The following CA10 variants were observed in gnomAD, a reference collection of about 807,000 sequenced individuals.
CA10 encodes carbonic anhydrase-related protein 10.
CA10 carries 14 observed loss-of-function variants against 44.2 expected under a neutral mutation model. That is an observed-to-expected ratio of 0.32 (90% CI 0.21 to 0.50). The LOEUF is 0.50. Among genes scored for constraint, CA10 ranks in the 20% least tolerant of loss-of-function variants. CA10 has a pLI of 0.99. For synonymous variants in CA10, 159 were observed against 141.6 expected, an observed-to-expected ratio of 1.12 and a Z score of -0.87; for missense variants, 350 against 409.7, an observed-to-expected ratio of 0.85 and a Z score of 1.26.
At chr17:51,743,373 T>C (rs753418363) in intron 4 of CA10, among the ~76,000 whole-genome samples, 44 of 152,372 alleles carry the variant, frequency 2.9e-4, no homozygotes, top group Non-Finnish European at 4.7e-4. Flanking sequence ...CATTTAGACA[T>C]GATTAGCAAG....
intron 2 of CA10, among the ~76,000 whole-genome samples, chr17:51,970,791 A>G (rs1233308353): frequency 1.3e-5 from 2 of 152,170 alleles, no homozygotes; most frequent in Non-Finnish European, 1.5e-5. Context: ...CTTTCTTACT[A>G]TTTCCTTTTA....
At chr17:51,918,187 A>G (rs1567884720) in intron 3 of CA10, among the ~76,000 whole-genome samples, 1 of 152,218 alleles carries the variant, frequency 6.6e-6, no homozygotes, top group Admixed American at 6.5e-5. Flanking sequence ...ATAGCAACAT[A>G]CTAAGTATAA....
intron 4 of CA10, among the ~76,000 whole-genome samples, chr17:51,671,411 GT>G (rs1448030212): frequency 3.3e-5 from 5 of 151,828 alleles, no homozygotes; most frequent in Non-Finnish European, 7.4e-5. Flanking sequence ...TTTTGTTTTT[GT>G]TTTTGTTTTT....
At chr17:51,879,191 T>G (rs959277372) in intron 3 of CA10, among the ~76,000 whole-genome samples, 2 of 151,998 alleles carry the variant, frequency 1.3e-5, no homozygotes, top group African/African-American at 2.4e-5. Flanking sequence ...ATTTATCTAC[T>G]GTCAGATATT....
intron 3 of CA10, among the ~76,000 whole-genome samples, chr17:51,793,028 T>C (rs947315997): frequency 5.9e-5 from 9 of 152,198 alleles, no homozygotes; most frequent in African/African-American, 2.2e-4. Flanking sequence ...CTAAGAATTT[T>C]GATGGTTGTG....
At chr17:51,935,655 C>T (rs962633169) in intron 2 of CA10, among the ~76,000 whole-genome samples, 3 of 152,266 alleles carry the variant, frequency 2.0e-5, no homozygotes, top group East Asian at 3.9e-4. Flanking sequence ...AAATCCCAAA[C>T]GTTCTCTTGG....
intron 3 of CA10, among the ~76,000 whole-genome samples, chr17:51,793,283 C>G (rs1004349897): frequency 1.3e-5 from 2 of 152,020 alleles, no homozygotes; most frequent in Non-Finnish European, 2.9e-5. Context: ...TATGAATGGC[C>G]ATTGGGGGAA....
chr17:51,895,578 T>C (rs1334664594), intron 3 of CA10, among the ~76,000 whole-genome samples: 1 of 152,052 alleles, frequency 6.6e-6, no homozygotes, highest in African/African-American at 2.4e-5. Context: ...TAAGTAATGG[T>C]TGAAAATATG....
At chr17:52,030,509 A>C (rs1986433796) in intron 2 of CA10, among the ~76,000 whole-genome samples, 1 of 152,188 alleles carries the variant, frequency 6.6e-6, no homozygotes, top group Admixed American at 6.5e-5. Flanking sequence ...TTCCATTTCC[A>C]TCTCTGCTCT....
At chr17:51,861,541 GTGT>G (rs1979307960) in intron 3 of CA10, among the ~76,000 whole-genome samples, 1 of 138,944 alleles carries the variant, frequency 7.2e-6, no homozygotes, top group African/African-American at 3.0e-5. Flanking sequence ...TTGCAGATGT[GTGT>G]TTTTTTTTTT....
chr17:52,060,744 A>T (rs2143090335), intron 2 of CA10, among the ~76,000 whole-genome samples: 1 of 152,330 alleles, frequency 6.6e-6, no homozygotes, highest in South Asian at 2.1e-4. Flanking sequence ...AGATAAGCAG[A>T]ACAGTACTAT....
At position 51,932,669 on chromosome 17, in the gene CA10, A is replaced by G. The variant is rs562209949; in HGVS notation, c.137-1537T>C. ...ATTAATGACTTTCAAAATGGTAGCA[A>G]TGGCCTGAGTTACAGAGGGAGAAAG... On this transcript the variant is annotated intron_variant, in intron 2 of 8. Coordinates refer to ENST00000451037, the MANE Select transcript of CA10 (RefSeq NM_020178.5). Among the ~76,000 whole-genome samples, 195 of 152,230 alleles carry G rather than the reference A, an allele frequency of 1.3e-3. 6 individuals are homozygous for G. The South Asian group carries it at 0.024, about 19-fold the overall frequency.
intron 6 of CA10, among the ~76,000 whole-genome samples, chr17:51,640,626 C>T (rs115494955): frequency 6.6e-6 from 1 of 152,172 alleles, no homozygotes; most frequent in Non-Finnish European, 1.5e-5. Context: ...CTTCTTTTCT[C>T]TCTGTTGAAG....
intron 4 of CA10, among the ~76,000 whole-genome samples, chr17:51,682,302 TGA>T (rs1235864336): frequency 6.6e-6 from 1 of 152,166 alleles, no homozygotes; most frequent in Non-Finnish European, 1.5e-5. Context: ...GTGTTTATTC[TGA>T]GAGTTGGGCC....
chr17:51,734,562 G>A (rs1393057389), intron 4 of CA10, among the ~76,000 whole-genome samples: 2 of 152,212 alleles, frequency 1.3e-5, no homozygotes, highest in African/African-American at 4.8e-5. Flanking sequence ...TATTTAGACA[G>A]CTCAGGGCTT....
intron 2 of CA10, among the ~76,000 whole-genome samples, chr17:51,975,822 G>A (rs1460412061): frequency 6.6e-6 from 1 of 150,896 alleles, no homozygotes; most frequent in Non-Finnish European, 1.5e-5. Flanking sequence ...AGTGAGCTGA[G>A]GTCGCGCCGC....
chr17:51,703,813 C>T (rs1182044791), intron 4 of CA10, among the ~76,000 whole-genome samples: 1 of 152,230 alleles, frequency 6.6e-6, no homozygotes, highest in African/African-American at 2.4e-5. Context: ...GCAAGCTAGG[C>T]TCCTTTCCAG....
chr17:51,967,166 A>ATTAAAAAGCCAAATTTTTGG (rs1200365664), intron 2 of CA10, among the ~76,000 whole-genome samples: 9 of 151,714 alleles, frequency 5.9e-5, no homozygotes, highest in African/African-American at 2.2e-4. Flanking sequence ...CAGAATGGCT[A>ATTAAAAAGCCAAATTTTTGG]CTATTAAAAA....
At chr17:51,695,789 T>C (rs1266453507) in intron 4 of CA10, among the ~76,000 whole-genome samples, 1 of 152,178 alleles carries the variant, frequency 6.6e-6, no homozygotes, top group Non-Finnish European at 1.5e-5. Context: ...CAGTATAATG[T>C]TGGCTGTGGT....
Sources: allele counts gnomAD v4.1 joint callset (sites outside exome capture counted in the v4.1 genomes callset), GRCh38; gene constraint gnomAD v4.1.1; transcripts MANE v1.5; gene names NCBI Gene and HGNC (gene_info 2026-07-23, HGNC 2026-07-21).